The following SLF1 variants were observed in gnomAD, a reference collection of about 807,000 sequenced individuals.
The protein encoded by SLF1 is SMC5-SMC6 complex localization factor protein 1.
SLF1 carries 105 observed loss-of-function variants against 123.0 expected under a neutral mutation model. The observed-to-expected ratio is 0.85, with a 90% CI of 0.73 to 1.00. The LOEUF (loss-of-function observed/expected upper bound fraction) is 1.00, where lower values mean the gene tolerates loss of function less well. SLF1 is among the 50% of genes least tolerant of loss of function. SLF1 has a pLI of 0.00. For missense variants in SLF1, 1,239 were observed against 1,223.0 expected (o/e 1.01, Z -0.20); for synonymous variants, 434 against 406.6 (o/e 1.07, Z -0.81).
chr5:94,634,233 CT>C (rs1050253862), intron 4 of SLF1, among the ~76,000 whole-genome samples: 1 of 152,020 alleles, frequency 6.6e-6, no homozygotes, highest in Non-Finnish European at 1.5e-5. Flanking sequence ...CTCAATGGCC[CT>C]GATTTTGTAA....
intron 5 of SLF1, among the ~76,000 whole-genome samples, chr5:94,644,944 G>A (rs2152475299): frequency 6.6e-6 from 1 of 152,286 alleles, no homozygotes; most frequent in Non-Finnish European, 1.5e-5. Context: ...ATTTGTGAAA[G>A]ATGTTTGAGT....
At chr5:94,685,310 C>A (rs577274166) in intron 15 of SLF1, among the ~76,000 whole-genome samples, 100 of 152,220 alleles carry the variant, frequency 6.6e-4, no homozygotes, top group African/African-American at 2.1e-3. Flanking sequence ...AATTTTAATT[C>A]TTCTCTTCTG....
At chr5:94,648,827 C>T (rs1192311051) in intron 5 of SLF1, among the ~76,000 whole-genome samples, 1 of 152,198 alleles carries the variant, frequency 6.6e-6, no homozygotes, top group Non-Finnish European at 1.5e-5. Context: ...TGAACTTTTA[C>T]TCCCAGCTTG....
chr5:94,692,502 G>T (rs1408828723), intron 20 of SLF1, among the ~76,000 whole-genome samples: 1 of 152,056 alleles, frequency 6.6e-6, no homozygotes, highest in African/African-American at 2.4e-5. Flanking sequence ...TCGTGTATGA[G>T]AGTCTGTTTT....
At chr5:94,627,601 T>TATATATATAC (rs1554061283) in intron 1 of SLF1, among the ~76,000 whole-genome samples, 8 of 134,478 alleles carry the variant, frequency 5.9e-5, no homozygotes, top group African/African-American at 2.3e-4. Context: ...TATATATATA[T>TATATATATAC]ATATATATAT....
chr5:94,670,696 T>G (rs1184734962), intron 13 of SLF1, 147 bp from the exon 14 acceptor site: 1 of 619,970 alleles, frequency 1.6e-6, no homozygotes, highest in African/African-American at 1.8e-5. Flanking sequence ...TTTTTTATAT[T>G]TTGTCCTTTA....
intron 14 of SLF1, among the ~76,000 whole-genome samples, chr5:94,678,172 G>T (rs927599418): frequency 6.6e-6 from 1 of 152,026 alleles, no homozygotes; most frequent in African/African-American, 2.4e-5. Context: ...CACCCACCTC[G>T]GCCTCCCAAA....
In SLF1 at chr5:94,678,931, A is replaced by G. The variant is rs1428314377; in HGVS notation, c.1951A>G (p.Ser651Gly). ...VMRHMSDDLGSYVSLSCDDFS... is the reference protein window; with the variant it reads ...VMRHMSDDLGGYVSLSCDDFS... Reference sequence around the variant, plus strand: ...GCGACACATGTCTGATGACTTAGGAAGTTATGTTTCTCTTTCGTGTGATGG... The same window carrying G: ...GCGACACATGTCTGATGACTTAGGAGGTTATGTTTCTCTTTCGTGTGATGG... The change falls in exon 15 of 21, where the codon AGT (serine) becomes GGT (glycine). Residue 651 changes from serine (S) to glycine (G), a missense_variant. Coordinates refer to ENST00000265140, the MANE Select transcript of SLF1 (RefSeq NM_032290.4). 2 of 1,613,328 alleles carry G rather than the reference A, an allele frequency of 1.2e-6. No homozygotes were observed. The highest frequency in any genetic ancestry group is 2.7e-5 in the African/African-American group (2 of 75,004).
At position 94,694,955 on chromosome 5, in the gene SLF1, T is replaced by G; in HGVS notation, c.2820T>G (p.His940Gln). The G allele has an allele frequency of 6.2e-7, 1 of 1,612,732 alleles. No individual in the cohort carries two copies. The highest frequency in any genetic ancestry group is 8.5e-7 in the Non-Finnish European group (1 of 1,179,174). ...TKIEDTVENF[H>Q]AQAEKHFHYQ... ...TAGAAGATACAGTGGAGAACTTTCA[T>G]GCACAAGCAGAGAAACATTTTCATT... The change falls in exon 21 of 21, where the codon CAT (histidine) becomes CAG (glutamine). Residue 940 changes from histidine (H) to glutamine (Q), a missense_variant. Physicochemically the swap from His to Gln is conservative, Grantham distance 24 (BLOSUM62 0). Transcript: ENST00000265140.
chr5:94,644,888 A>G (rs1369173507), intron 5 of SLF1, among the ~76,000 whole-genome samples: 4 of 152,224 alleles, frequency 2.6e-5, no homozygotes, highest in Non-Finnish European at 5.9e-5. Flanking sequence ...ATCACCTCAC[A>G]AAGAGCCTGG....
At chr5:94,691,722 T>A in intron 19 of SLF1, 66 bp downstream of exon 19, 1 of 1,216,204 alleles carries the variant, frequency 8.2e-7, no homozygotes, top group Non-Finnish European at 1.1e-6. Flanking sequence ...CAGTTTTATA[T>A]CACATTAAGA....
In SLF1 at chr5:94,688,549, G is replaced by T; in HGVS notation, c.2165G>T (p.Gly722Val). The T allele has an allele frequency of 6.2e-7, 1 of 1,613,992 alleles. No homozygotes were observed. Among genetic ancestry groups the T allele is most frequent in the Non-Finnish European group, 8.5e-7 (1 of 1,179,962 alleles). Reference protein sequence around the residue: ...LPALGKTGVLGSGKIQVSKKI... With the variant: ...LPALGKTGVLVSGKIQVSKKI... ...GCCTTGGGGAAAACTGGTGTGCTTGGGTCTGGAAAGATTCAGGTGTCAAAG... is the reference window on the plus strand; with the variant it reads ...GCCTTGGGGAAAACTGGTGTGCTTGTGTCTGGAAAGATTCAGGTGTCAAAG... The change falls in exon 17 of 21, where the codon GGG becomes GTG. Residue 722 changes from glycine (G) to valine (V), a missense_variant. Coordinates refer to ENST00000265140, the MANE Select transcript of SLF1 (RefSeq NM_032290.4).
chr5:94,633,177 G>A (rs776663256), intron 4 of SLF1, among the ~76,000 whole-genome samples: 5 of 151,354 alleles, frequency 3.3e-5, no homozygotes, highest in African/African-American at 1.2e-4. Context: ...AGTAGAGATG[G>A]GGTTTCTCCA....
At position 94,682,018 on chromosome 5, in the gene SLF1, ATG is replaced by A. The variant is rs149761695; in HGVS notation, c.1975+3076_1975+3077del. Among the ~76,000 whole-genome samples, 20 of 151,742 alleles carry A rather than the reference ATG, an allele frequency of 1.3e-4. No individual in the cohort carries two copies. In the East Asian group the frequency reaches 1.7e-3, roughly 13 times the overall value. On this transcript the variant is annotated intron_variant, in intron 15 of 20. Transcript: ENST00000265140. ...AGCAACCAACTGTGCGTGTGTGTGC[ATG>A]TGTGTGTGTGTGCATGTGCGCGTGT...
intron 4 of SLF1, among the ~76,000 whole-genome samples, chr5:94,634,088 ATTAT>A (rs1027348113): frequency 2.0e-5 from 3 of 152,158 alleles, no homozygotes; most frequent in Admixed American, 2.0e-4. Context: ...TTACAAGTTT[ATTAT>A]TTAATTCCCA....
chr5:94,686,029 G>A (rs541628905), intron 15 of SLF1, among the ~76,000 whole-genome samples: 4 of 151,448 alleles, frequency 2.6e-5, no homozygotes, highest in East Asian at 1.9e-4. Context: ...TACCTTGTGC[G>A]TTTCTTCTTG....
intron 13 of SLF1, 143 bp downstream of exon 13, chr5:94,670,422 T>G: frequency 1.2e-6 from 1 of 813,490 alleles, no homozygotes; most frequent in East Asian, 3.4e-5. Context: ...AAAACATATT[T>G]CCAGATATTC....
chr5:94,647,650 T>G (rs946084092), intron 5 of SLF1, among the ~76,000 whole-genome samples: 2 of 152,226 alleles, frequency 1.3e-5, no homozygotes, highest in Admixed American at 1.3e-4. Flanking sequence ...CATTGCCTAG[T>G]ACGTAAGTTG....
chr5:94,630,734 C>G lies in SLF1; in HGVS notation c.422C>G (p.Ser141Cys), dbSNP rs1745104570. 6.4e-7 allele frequency: 1 copy of G among 1,551,050 alleles called. No individual in the cohort carries two copies. The highest frequency in any genetic ancestry group is 1.2e-5 in the South Asian group (1 of 83,988). ...GTTAGAACTGATAAGCGAAGTGATT[C>G]TCTTATAAGGTAGGATGTGATTACA... is the stretch of plus-strand genomic sequence containing the variant. ...LLVRTDKRSD[S>C]LIRVLEAGKA... Residue 141 changes from serine (S) to cysteine (C), a missense_variant, in exon 4 of 21, where the codon TCT becomes TGT. Physicochemically the swap from Ser to Cys is moderately radical, Grantham distance 112. Transcript: ENST00000265140.
Sources: gnomAD v4.1 joint callset for allele counts (sites outside exome capture counted in the v4.1 genomes callset) on GRCh38, gnomAD v4.1.1 for gene constraint, MANE v1.5 for transcripts, NCBI Gene and HGNC (gene_info 2026-07-23, HGNC 2026-07-21) for gene names.